AKAP6: variants seen among roughly 807,000 people sequenced by gnomAD.
AKAP6 encodes the protein A-kinase anchor protein 6.
In AKAP6, 58 loss-of-function variants were observed where a neutral mutation model predicts 188.5. The observed-to-expected ratio is 0.31, with a 90% CI of 0.25 to 0.38. The LOEUF (loss-of-function observed/expected upper bound fraction) is 0.38, where lower values mean the gene tolerates loss of function less well. Ranked by LOEUF, AKAP6 falls within the 10% of genes least tolerant of loss-of-function variation. The probability of loss-of-function intolerance (pLI) is 1.00; values close to 1 mark genes in which losing one functional copy is unlikely to be tolerated. For missense variants in AKAP6, 2,710 were observed against 2,740.0 expected (o/e 0.99, Z 0.24); for synonymous variants, 989 against 998.6 (o/e 0.99, Z 0.18).
At chr14:32,677,931 A>G (rs1374221848) in intron 7 of AKAP6, among the ~76,000 whole-genome samples, 2 of 152,232 alleles carry the variant, frequency 1.3e-5, no homozygotes, top group Non-Finnish European at 2.9e-5. Context: ...ATATGTGTCC[A>G]TGCAAATGTG....
At position 32,640,405 on chromosome 14, in the gene AKAP6, C is replaced by A. The variant is rs369424652; in HGVS notation, c.2731-37906C>A. Among the ~76,000 whole-genome samples, 29 of 152,136 alleles carry A rather than the reference C, an allele frequency of 1.9e-4. No homozygotes were observed. In the East Asian group the frequency reaches 4.4e-3, roughly 23 times the overall value. On this transcript the variant is annotated intron_variant, in intron 7 of 13. Transcript: ENST00000280979. ...TCACTCCAGAGCTTTGATTTAGGCC[C>A]TAGAGAGGAATGAGTTCTGTTATTT... is the stretch of plus-strand genomic sequence containing the variant.
In AKAP6 at chr14:32,823,600, G is replaced by A; in HGVS notation, c.5787G>A (p.Glu1929=). 6.2e-7 allele frequency: 1 copy of A among 1,613,900 alleles called. No individual in the cohort carries two copies. Among genetic ancestry groups the A allele is most frequent in the Non-Finnish European group, 8.5e-7 (1 of 1,179,914 alleles). ...GTTCACATGGGAAAGAGATTTCAGA[G>A]AGTGAGCATTGTAAGTGTAAAGCAC... is the stretch of plus-strand genomic sequence containing the variant. ...NLGSHGKEIS[E]SEHCKCKALM... The change falls in exon 13 of 14, where the codon GAG becomes GAA. Residue 1929 remains glutamate, a synonymous_variant. Transcript: ENST00000280979.
chr14:32,622,378 G>A (rs531864811), intron 7 of AKAP6, among the ~76,000 whole-genome samples: 21 of 151,732 alleles, frequency 1.4e-4, no homozygotes, highest in Non-Finnish European at 2.6e-4. Flanking sequence ...TATTTTCACT[G>A]GGGAGGATTT....
intron 9 of AKAP6, among the ~76,000 whole-genome samples, chr14:32,702,698 C>A (rs966278491): frequency 3.9e-5 from 6 of 152,172 alleles, no homozygotes; most frequent in Admixed American, 2.0e-4. Flanking sequence ...GCTCTCTGGG[C>A]TGGCCTCTGA....
intron 2 of AKAP6, among the ~76,000 whole-genome samples, chr14:32,509,234 C>T (rs1317936018): frequency 1.3e-5 from 2 of 149,368 alleles, no homozygotes; most frequent in African/African-American, 4.9e-5. Flanking sequence ...AAGCGATTCT[C>T]GTACCTCAGC....
chr14:32,562,829 A>G (rs1313235845), intron 4 of AKAP6, among the ~76,000 whole-genome samples: 2 of 152,202 alleles, frequency 1.3e-5, no homozygotes, highest in Non-Finnish European at 2.9e-5. Flanking sequence ...TAGTAATCAC[A>G]TTCACCTCAC....
At chr14:32,810,535 G>A (rs918221014) in intron 12 of AKAP6, among the ~76,000 whole-genome samples, 7 of 152,060 alleles carry the variant, frequency 4.6e-5, no homozygotes, top group African/African-American at 1.4e-4. Context: ...GTTTTTTAAC[G>A]TGTCTAGGGA....
chr14:32,510,436 G>GTATATATATACATATATA (rs1555335161), intron 2 of AKAP6, among the ~76,000 whole-genome samples: 2 of 30,258 alleles, frequency 6.6e-5, no homozygotes, highest in Admixed American at 4.3e-4. Flanking sequence ...ATATATATAT[G>GTATATATATACATATATA]TGTATATATA....
At chr14:32,785,073 C>A (rs1000050237) in intron 12 of AKAP6, among the ~76,000 whole-genome samples, 1 of 152,000 alleles carries the variant, frequency 6.6e-6, no homozygotes, top group African/African-American at 2.4e-5. Flanking sequence ...TAAAGATCTG[C>A]AGACTCAAGT....
At chr14:32,469,958 C>T (rs1434699112) in intron 2 of AKAP6, among the ~76,000 whole-genome samples, 1 of 152,172 alleles carries the variant, frequency 6.6e-6, no homozygotes, top group South Asian at 2.1e-4. Context: ...TGGGAAATTA[C>T]TGATTTGCTT....
At chr14:32,475,178 C>T (rs1376083457) in intron 2 of AKAP6, among the ~76,000 whole-genome samples, 1 of 152,184 alleles carries the variant, frequency 6.6e-6, no homozygotes, top group African/African-American at 2.4e-5. Context: ...ACTTTGCATG[C>T]ACTATCATGT....
intron 7 of AKAP6, among the ~76,000 whole-genome samples, chr14:32,636,223 C>T (rs1342447062): frequency 6.6e-6 from 1 of 152,070 alleles, no homozygotes; most frequent in African/African-American, 2.4e-5. Context: ...TAATTGCTGG[C>T]AATCAAATTG....
At chr14:32,652,056 A>C (rs950520162) in intron 7 of AKAP6, among the ~76,000 whole-genome samples, 1 of 152,084 alleles carries the variant, frequency 6.6e-6, no homozygotes, top group Non-Finnish European at 1.5e-5. Context: ...GTCCGGATCT[A>C]CATCTTCGGT....
At chr14:32,785,251 G>T (rs1390404425) in intron 12 of AKAP6, among the ~76,000 whole-genome samples, 2 of 151,974 alleles carry the variant, frequency 1.3e-5, no homozygotes, top group African/African-American at 4.8e-5. Flanking sequence ...TTAACTATTG[G>T]TATTATTTGG....
intron 1 of AKAP6, among the ~76,000 whole-genome samples, chr14:32,360,750 T>TGTGC (rs1366316383): frequency 6.7e-6 from 1 of 149,022 alleles, no homozygotes; most frequent in Non-Finnish European, 1.5e-5. Context: ...TGTGTGTGTG[T>TGTGC]GCATGCATTT....
chr14:32,835,503 C>T lies in AKAP6; in HGVS notation c.*5698C>T, dbSNP rs2034866578. The T allele has an allele frequency of 6.6e-6, 1 of 152,184 alleles. No individual in the cohort carries two copies. Among genetic ancestry groups the T allele is most frequent in the African/African-American group, 2.4e-5 (1 of 41,436 alleles). 9.4% of individuals were successfully genotyped at this position (152,184 alleles called of 1,614,324 possible). A position where few individuals can be genotyped will look rare whatever the true frequency, so the allele number is the denominator to read the frequency against. ...TTGACACAAACTCACTTCCATGCACCAGTAAACTGGAATCCTTTCTTTAAA... is the reference window on the plus strand; with the variant it reads ...TTGACACAAACTCACTTCCATGCACTAGTAAACTGGAATCCTTTCTTTAAA... On this transcript the variant is annotated 3_prime_UTR_variant, in exon 14 of 14. Transcript: ENST00000280979.
At chr14:32,672,026 C>CT (rs1889220739) in intron 7 of AKAP6, among the ~76,000 whole-genome samples, 1 of 152,102 alleles carries the variant, frequency 6.6e-6, no homozygotes, top group African/African-American at 2.4e-5. Flanking sequence ...ATGTGTTATA[C>CT]ACTATATTAT....
At chr14:32,644,743 C>G (rs891623481) in intron 7 of AKAP6, among the ~76,000 whole-genome samples, 2 of 152,110 alleles carry the variant, frequency 1.3e-5, no homozygotes, top group Admixed American at 6.6e-5. Context: ...CCATCACAAA[C>G]TGAAATGTCT....
chr14:32,379,905 C>A (rs1257778373), intron 1 of AKAP6, among the ~76,000 whole-genome samples: 6 of 152,222 alleles, frequency 3.9e-5, no homozygotes, highest in Non-Finnish European at 8.8e-5. Flanking sequence ...CTTAGAAATT[C>A]ACAATCAGCC....
Sources: allele counts gnomAD v4.1 joint callset (sites outside exome capture counted in the v4.1 genomes callset), GRCh38; gene constraint gnomAD v4.1.1; transcripts MANE v1.5; gene names NCBI Gene and HGNC (gene_info 2026-07-23, HGNC 2026-07-21).